Variants in PARP14 observed in about 807,000 individuals in gnomAD.
PARP14 encodes the protein poly(ADP-ribose) polymerase family member 14, also known as protein mono-ADP-ribosyltransferase PARP14.
In PARP14, 59 loss-of-function variants were observed where a neutral mutation model predicts 154.2. The observed-to-expected ratio is 0.38, with a 90% CI of 0.31 to 0.48. The LOEUF (loss-of-function observed/expected upper bound fraction) is 0.48, where lower values mean the gene tolerates loss of function less well. Among genes scored for constraint, PARP14 ranks in the 20% least tolerant of loss-of-function variants. PARP14 has a pLI of 0.98. For missense variants in PARP14, 1,734 were observed against 2,131.6 expected, an observed-to-expected ratio of 0.81 and a Z score of 3.67; for synonymous variants, 720 against 780.5, an observed-to-expected ratio of 0.92 and a Z score of 1.29.
In PARP14 at chr3:122,700,501, C is replaced by T. The variant is rs1938927306; in HGVS notation, c.1947C>T (p.Gly649=). The change falls in exon 6 of 17, where the codon GGC becomes GGT. Residue 649 remains glycine, a synonymous_variant. Coordinates refer to ENST00000474629, the MANE Select transcript of PARP14 (RefSeq NM_017554.3). ...SETTAEVIIT[G]CVKEVNETYK... is the part of the protein sequence containing the mutation. ...CCACAGCTGAAGTCATCATTACAGG[C>T]TGTGTAAAAGAAGTAAATGAAACCT... The T allele has an allele frequency of 1.2e-6, 2 of 1,609,660 alleles. No individual in the cohort carries two copies. The highest frequency in any genetic ancestry group is 2.2e-5 in the East Asian group (1 of 44,864).
intron 1 of PARP14, among the ~76,000 whole-genome samples, chr3:122,683,695 T>C (rs934964985): frequency 1.3e-5 from 2 of 152,210 alleles, no homozygotes; most frequent in Admixed American, 6.5e-5. Flanking sequence ...TCCTCCCAGA[T>C]TGACTTTCTC....
At position 122,718,124 on chromosome 3, in the gene PARP14, G is replaced by C; in HGVS notation, c.4054G>C (p.Glu1352Gln). The C allele has an allele frequency of 6.2e-7, 1 of 1,613,832 alleles. No homozygotes were observed. Among genetic ancestry groups the C allele is most frequent in the Non-Finnish European group, 8.5e-7 (1 of 1,179,838 alleles). ...KVAEAIIDAIEDFVQKGSAQS... is the reference protein window; with the variant it reads ...KVAEAIIDAIQDFVQKGSAQS... ...TGCTGAAGCCATAATTGATGCCATT[G>C]AAGACTTTGTCCAGAAAGGATCAGC... The change falls in exon 13 of 17, where the codon GAA becomes CAA. Residue 1352 changes from glutamate to glutamine, a missense_variant. By Grantham distance (29) the Glu-to-Gln change is conservative. This residue lies in a region of PARP14 where 1,646 missense variants were observed against 1,976.0 expected (regional missense o/e 0.83). Transcript: ENST00000474629.
rs1373401528 is a variant in PARP14 at position 122,701,383 on chromosome 3, A to G, written c.2829A>G (p.Glu943=). Residue 943 remains glutamate, a synonymous_variant, in exon 6 of 17, where the codon GAA becomes GAG. Coordinates refer to ENST00000474629, the MANE Select transcript of PARP14 (RefSeq NM_017554.3). This position sits in a 1 kb window ranked among gnomAD's most constrained non-coding sequence, Gnocchi z 4.0. ...AGACCATTGTTTCTGCCATCAAGGAAAACTTCCAATTCAAGAAGGATGGAC... is the reference window on the plus strand; with the variant it reads ...AGACCATTGTTTCTGCCATCAAGGAGAACTTCCAATTCAAGAAGGATGGAC... ...CVETIVSAIK[E]NFQFKKDGHC... 3.7e-6 allele frequency: 6 copies of G among 1,614,048 alleles called. No individual in the cohort carries two copies. The highest frequency in any genetic ancestry group is 1.6e-4 in the Middle Eastern group (1 of 6,062).
intron 10 of PARP14, 35 bp downstream of exon 10, chr3:122,713,608 T>C (rs1223605075): frequency 1.3e-6 from 2 of 1,583,602 alleles, no homozygotes; most frequent in Non-Finnish European, 1.7e-6. Flanking sequence ...CAATAGTTAA[T>C]GGTAGATGCT....
In PARP14 at chr3:122,699,700, C is replaced by T; in HGVS notation, c.1146C>T (p.Thr382=). 1 of 1,614,006 alleles carries T rather than the reference C, an allele frequency of 6.2e-7. No individual in the cohort carries two copies. The highest frequency in any genetic ancestry group is 8.5e-7 in the Non-Finnish European group (1 of 1,179,886). ...LVNEGRPRIK[T]WQADTSTTLS... ...ATGAAGGAAGACCGAGAATCAAGAC[C>T]TGGCAGGCAGATACTTCCACAACAC... is the stretch of plus-strand genomic sequence containing the variant. Residue 382 remains threonine (T), a synonymous_variant, in exon 6 of 17, where the codon ACC becomes ACT. Transcript: ENST00000474629.
intron 1 of PARP14, among the ~76,000 whole-genome samples, chr3:122,682,694 C>A (rs991719896): frequency 3.7e-4 from 56 of 152,138 alleles, no homozygotes; most frequent in Admixed American, 3.7e-3. Flanking sequence ...CTTCCTCCAC[C>A]CCCAGGCTGC....
intron 15 of PARP14, among the ~76,000 whole-genome samples, chr3:122,725,245 T>G (rs947274988): frequency 2.6e-5 from 4 of 151,276 alleles, no homozygotes; most frequent in Non-Finnish European, 4.4e-5. Context: ...GCAGAGGCGC[T>G]CACTTCCTAG....
In PARP14 at chr3:122,704,607, A is replaced by G; in HGVS notation, c.3399A>G (p.Gly1133=). The stretch of plus-strand genomic sequence containing the variant: ...AATCAATTGCATTTCCAGCAATAGG[A>G]ACAGGAAACTTGGGATTTCCTAAAA... ...SLKSIAFPAI[G]TGNLGFPKNI... Residue 1133 remains glycine (G), a synonymous_variant, in exon 8 of 17, where the codon GGA becomes GGG. Transcript: ENST00000474629. 1 of 1,607,202 alleles carries G rather than the reference A, an allele frequency of 6.2e-7. No individual in the cohort carries two copies. Among genetic ancestry groups the G allele is most frequent in the Non-Finnish European group, 8.5e-7 (1 of 1,175,922 alleles).
chr3:122,703,026 AAAAACAAAAAACAG>A (rs1939035499), intron 6 of PARP14, among the ~76,000 whole-genome samples: 2 of 100,338 alleles, frequency 2.0e-5, no homozygotes, highest in African/African-American at 6.9e-5. Context: ...AAAAAAAACA[AAAAACAAAAAACAG>A]TCATAGTTTG....
At chr3:122,725,690 T>G (rs1423802669) in intron 15 of PARP14, among the ~76,000 whole-genome samples, 1 of 152,208 alleles carries the variant, frequency 6.6e-6, no homozygotes, top group Admixed American at 6.5e-5. Context: ...AAGATGTGTC[T>G]CTTGATAGCA....
intron 6 of PARP14, among the ~76,000 whole-genome samples, chr3:122,702,819 C>T (rs1201940547): frequency 6.6e-6 from 1 of 151,854 alleles, no homozygotes; most frequent in Non-Finnish European, 1.5e-5. Flanking sequence ...TCTTTTGACA[C>T]CAAATATCAA....
At chr3:122,728,195 C>A in intron 16 of PARP14, 113 bp from the exon 17 acceptor site, 1 of 1,060,440 alleles carries the variant, frequency 9.4e-7, no homozygotes, top group Non-Finnish European at 1.4e-6. Flanking sequence ...GTGAAAAGCA[C>A]ACACAAAAAA....
Position 122,728,754 on chromosome 3 carries a change from C to A in PARP14, c.*157C>A, listed in dbSNP as rs73856281. The A allele has an allele frequency of 0.046, 28,210 of 610,992 alleles. 814 individuals are homozygous for A. The highest frequency in any genetic ancestry group is 0.096 in the African/African-American group (5,252 of 54,510). 37.8% of individuals were successfully genotyped at this position (610,992 alleles called of 1,614,324 possible). ...GTCAGTCTTTCTTCAGCTTCCCTTT[C>A]ATAATGGAAATGAACTTATTATCTT... is the stretch of plus-strand genomic sequence containing the variant. On this transcript the variant is annotated 3_prime_UTR_variant, in exon 17 of 17. Transcript: ENST00000474629.
At chr3:122,704,813 T>A in intron 8 of PARP14, 65 bp downstream of exon 8, 3 of 873,484 alleles carry the variant, frequency 3.4e-6, no homozygotes. Flanking sequence ...AAATGTCTTT[T>A]TGGTCTAACA....
At chr3:122,691,258 C>T (rs1240230466) in intron 3 of PARP14, among the ~76,000 whole-genome samples, 1 of 152,156 alleles carries the variant, frequency 6.6e-6, no homozygotes, top group Non-Finnish European at 1.5e-5. Context: ...CTCCTTACAT[C>T]CAGGGTCTTG....
intron 8 of PARP14, among the ~76,000 whole-genome samples, chr3:122,707,798 A>C (rs1277482982): frequency 6.6e-6 from 1 of 152,212 alleles, no homozygotes; most frequent in South Asian, 2.1e-4. Context: ...CCTGGGCAAC[A>C]CAGCAAGACC....
chr3:122,715,652 A>G (rs1932979710), intron 12 of PARP14, among the ~76,000 whole-genome samples: 1 of 136,252 alleles, frequency 7.3e-6, no homozygotes, highest in Non-Finnish European at 1.6e-5. Context: ...CTATCTATCT[A>G]TCGATCTGTC....
intron 2 of PARP14, among the ~76,000 whole-genome samples, 192 bp downstream of exon 2, chr3:122,685,510 CTTTT>C (rs10711299): frequency 2.2e-5 from 3 of 137,242 alleles, no homozygotes; most frequent in African/African-American, 2.7e-5. Context: ...GGAGGGGGTA[CTTTT>C]TTTTTTTTTT....
rs144292267 is a variant in PARP14 at position 122,695,805 on chromosome 3, C to T, written c.835+143C>T. 6.2e-4 allele frequency: 359 copies of T among 580,314 alleles called. 4 individuals are homozygous for T. The East Asian group carries it at 8.4e-3, about 14-fold the overall frequency. The allele number at this position is 580,314 out of a possible 1,614,324, so 35.9% of individuals were successfully genotyped here. A position where few individuals can be genotyped will look rare whatever the true frequency, so the allele number is the denominator to read the frequency against. ...TTGAATAAATAATCCTGTTCATCTGCGATATGATGCTTAATAAGGCCAGTG... is the reference window on the plus strand; with the variant it reads ...TTGAATAAATAATCCTGTTCATCTGTGATATGATGCTTAATAAGGCCAGTG... On this transcript the variant is annotated intron_variant, in intron 5 of 16. Coordinates refer to ENST00000474629, the MANE Select transcript of PARP14 (RefSeq NM_017554.3).
Sources: gnomAD v4.1 joint callset for allele counts (sites outside exome capture counted in the v4.1 genomes callset) on GRCh38, gnomAD v4.1.1 for gene constraint, gnomAD v4.1.1 regional missense constraint, Gnocchi (gnomAD v3.1) non-coding constraint, MANE v1.5 for transcripts, NCBI Gene and HGNC (gene_info 2026-07-23, HGNC 2026-07-21) for gene names.